IL1RAPL1: variants seen among roughly 807,000 people sequenced by gnomAD.
IL1RAPL1 encodes the protein interleukin-1 receptor accessory protein-like 1.
IL1RAPL1 carries 3 observed loss-of-function variants against 48.4 expected under a neutral mutation model. That is an observed-to-expected ratio of 0.06 (90% CI 0.03 to 0.16). The LOEUF is 0.16. IL1RAPL1 is among the 10% of genes least tolerant of loss of function. The probability of loss-of-function intolerance (pLI) is 1.00; values close to 1 mark genes in which losing one functional copy is unlikely to be tolerated. For synonymous variants in IL1RAPL1, 185 were observed against 187.7 expected (o/e 0.99, Z 0.12); for missense variants, 349 against 530.6 (o/e 0.66, Z 3.36).
At chrX:28,664,681 C>T (rs1197464186) in intron 1 of IL1RAPL1, among the ~76,000 whole-genome samples, 1 of 111,388 alleles carries the variant, frequency 9.0e-6, no homozygotes, top group African/African-American at 3.3e-5. Context: ...CTGTGCTGTC[C>T]CTACCTAATA....
At position 29,040,300 on chromosome X, in the gene IL1RAPL1, C is replaced by T. The variant is rs140496991; in HGVS notation, c.83-242638C>T. Among the ~76,000 whole-genome samples the T allele has an allele frequency of 2.7e-3, 299 of 112,261 alleles. 1 individual carries two copies. Among genetic ancestry groups the T allele is most frequent in the African/African-American group, 8.6e-3 (266 of 30,947 alleles). On this transcript the variant is annotated intron_variant, in intron 2 of 10. Coordinates refer to ENST00000378993, the MANE Select transcript of IL1RAPL1 (RefSeq NM_014271.4). ...AATGGGTGACAGGCAAGCAGCCTCT[C>T]CTGGGAGGTTCTTTGCTGTTTCCTC... is the stretch of plus-strand genomic sequence containing the variant.
intron 2 of IL1RAPL1, among the ~76,000 whole-genome samples, chrX:28,937,907 C>G (rs1486100375): frequency 9.0e-6 from 1 of 111,052 alleles, no homozygotes; most frequent in African/African-American, 3.3e-5. Flanking sequence ...GGAATGTAAT[C>G]CGTGTCACAG....
intron 6 of IL1RAPL1, among the ~76,000 whole-genome samples, chrX:29,908,190 G>A (rs767993762): frequency 9.1e-6 from 1 of 110,170 alleles, no homozygotes; most frequent in East Asian, 2.9e-4. Flanking sequence ...TATTGCTGCA[G>A]GGTTGCAATA....
intron 2 of IL1RAPL1, among the ~76,000 whole-genome samples, chrX:28,962,111 T>G (rs1924794675): frequency 8.9e-6 from 1 of 111,918 alleles, no homozygotes; most frequent in East Asian, 2.8e-4. Flanking sequence ...TATATATTTG[T>G]TCTTTTCTGA....
chrX:29,814,983 G>A (rs1930463709), intron 6 of IL1RAPL1, among the ~76,000 whole-genome samples: 1 of 111,441 alleles, frequency 9.0e-6, no homozygotes, highest in African/African-American at 3.3e-5. Flanking sequence ...TGTTATTGTA[G>A]CCTTATAGTT....
intron 5 of IL1RAPL1, among the ~76,000 whole-genome samples, chrX:29,411,391 T>G (rs1004722703): frequency 8.9e-6 from 1 of 112,260 alleles, no homozygotes; most frequent in Non-Finnish European, 1.9e-5. Flanking sequence ...CAGGACTTTC[T>G]GCCCCAGTCA....
intron 3 of IL1RAPL1, among the ~76,000 whole-genome samples, chrX:29,384,644 G>A (rs1735823683): frequency 8.9e-6 from 1 of 112,356 alleles, no homozygotes; most frequent in African/African-American, 3.2e-5. Flanking sequence ...TAACTAGTGA[G>A]TTTATGGCAC....
intron 6 of IL1RAPL1, among the ~76,000 whole-genome samples, chrX:29,738,029 A>T (rs1225498255): frequency 8.9e-6 from 1 of 112,236 alleles, no homozygotes; most frequent in Non-Finnish European, 1.9e-5. Context: ...AAGAGATTTA[A>T]ATTTCAAAGT....
chrX:29,564,131 C>T (rs992512838), intron 5 of IL1RAPL1, among the ~76,000 whole-genome samples: 1 of 111,510 alleles, frequency 9.0e-6, no homozygotes, highest in African/African-American at 3.3e-5. Flanking sequence ...ATAATTTGGG[C>T]ACAAGGAGAG....
intron 9 of IL1RAPL1, among the ~76,000 whole-genome samples, chrX:29,947,704 T>C (rs937504247): frequency 1.8e-5 from 2 of 108,782 alleles, no homozygotes; most frequent in African/African-American, 6.7e-5. Flanking sequence ...CAGTGAAACA[T>C]AGTACCTCTG....
At chrX:29,081,420 C>T (rs1927841681) in intron 2 of IL1RAPL1, among the ~76,000 whole-genome samples, 1 of 110,453 alleles carries the variant, frequency 9.1e-6, no homozygotes, top group African/African-American at 3.3e-5. Flanking sequence ...CCTGGCTGGC[C>T]TCAAACTCCT....
At chrX:29,616,033 T>G (rs774363690) in intron 5 of IL1RAPL1, among the ~76,000 whole-genome samples, 1 of 111,716 alleles carries the variant, frequency 9.0e-6, no homozygotes, top group African/African-American at 3.3e-5. Flanking sequence ...TAATGGAGTT[T>G]GCAGAGATCA....
At chrX:28,884,512 G>T (rs1034313489) in intron 2 of IL1RAPL1, among the ~76,000 whole-genome samples, 1 of 111,800 alleles carries the variant, frequency 8.9e-6, no homozygotes, top group Non-Finnish European at 1.9e-5. Flanking sequence ...AGCCTTGACA[G>T]AATCTCATTC....
intron 5 of IL1RAPL1, among the ~76,000 whole-genome samples, chrX:29,506,432 TCTCCTTCTCCTCCTCCTC>T (rs1171049036): frequency 4.6e-5 from 1 of 21,531 alleles, no homozygotes; most frequent in African/African-American, 1.6e-4. Flanking sequence ...TTCTTCTCCT[TCTCCTTCTCCTCCTCCTC>T]CTCCTCCTCC....
At chrX:29,674,793 C>G (rs766882857) in intron 6 of IL1RAPL1, among the ~76,000 whole-genome samples, 1 of 111,320 alleles carries the variant, frequency 9.0e-6, no homozygotes, top group Admixed American at 9.5e-5. Context: ...TCATTTAGTT[C>G]CCACTTATAA....
chrX:28,756,092 A>G (rs1445924657), intron 1 of IL1RAPL1, among the ~76,000 whole-genome samples: 1 of 110,868 alleles, frequency 9.0e-6, no homozygotes, highest in Non-Finnish European at 1.9e-5. Flanking sequence ...ATCATTATGT[A>G]TTTCCCCCAT....
intron 2 of IL1RAPL1, among the ~76,000 whole-genome samples, chrX:29,247,242 A>C (rs1342476325): frequency 1.8e-5 from 2 of 111,886 alleles, no homozygotes; most frequent in Non-Finnish European, 3.8e-5. Context: ...ATTATGAAAC[A>C]ATAGGGCTTA....
intron 6 of IL1RAPL1, among the ~76,000 whole-genome samples, chrX:29,817,025 A>G (rs962733133): frequency 2.7e-5 from 3 of 109,783 alleles, no homozygotes; most frequent in African/African-American, 9.9e-5. Flanking sequence ...CTTTAGCTCT[A>G]GGTTTCAATA....
intron 5 of IL1RAPL1, among the ~76,000 whole-genome samples, chrX:29,598,235 G>A (rs754059211): frequency 2.6e-4 from 29 of 111,827 alleles, no homozygotes; most frequent in African/African-American, 9.1e-4. Context: ...CACTATTACC[G>A]TTCAGTTCAA....
Sources: gnomAD v4.1 joint callset for allele counts (sites outside exome capture counted in the v4.1 genomes callset) on GRCh38, gnomAD v4.1.1 for gene constraint, MANE v1.5 for transcripts, NCBI Gene and HGNC (gene_info 2026-07-23, HGNC 2026-07-21) for gene names.